The following SNCAIP variants were observed in gnomAD, a reference collection of about 807,000 sequenced individuals.
SNCAIP encodes the protein synphilin-1.
SNCAIP carries 43 observed loss-of-function variants against 86.7 expected under a neutral mutation model. That is an observed-to-expected ratio of 0.50 (90% CI 0.39 to 0.64). The LOEUF is 0.64. SNCAIP is among the 30% of genes least tolerant of loss of function. The pLI, the probability that SNCAIP is intolerant of heterozygous loss-of-function variation, is 0.00. For missense variants in SNCAIP, 981 were observed against 1,103.1 expected, an observed-to-expected ratio of 0.89 and a Z score of 1.57; for synonymous variants, 417 against 427.2, an observed-to-expected ratio of 0.98 and a Z score of 0.29.
chr5:122,417,054 T>A (rs1178822601), intron 3 of SNCAIP, among the ~76,000 whole-genome samples: 2 of 152,232 alleles, frequency 1.3e-5, no homozygotes, highest in Non-Finnish European at 2.9e-5. Context: ...TCTTGATGTC[T>A]CAAGCTAATT....
intron 1 of SNCAIP, among the ~76,000 whole-genome samples, chr5:122,379,661 A>G (rs1378775131): frequency 6.6e-6 from 1 of 151,972 alleles, no homozygotes; most frequent in Non-Finnish European, 1.5e-5. Flanking sequence ...ATTCAGTATG[A>G]TATTGGCTGT....
chr5:122,382,558 C>G (rs1767086018), intron 1 of SNCAIP, among the ~76,000 whole-genome samples: 1 of 152,216 alleles, frequency 6.6e-6, no homozygotes, highest in African/African-American at 2.4e-5. Context: ...AAGTCATTCT[C>G]CATCCAGCTT....
rs1783532066 is a variant in SNCAIP, at chr5:122,450,669, A to T, written c.1822A>T (p.Arg608Ter). 1 of 1,614,200 alleles carries T rather than the reference A, an allele frequency of 6.2e-7. No individual in the cohort carries two copies. Among genetic ancestry groups the T allele is most frequent in the African/African-American group, 1.3e-5 (1 of 75,056 alleles). The part of the protein sequence containing the change: ...LGSLSASSRA[R>*]PKAKDEDSDK... ...AAGCCTGTCAGCCTCCAGCCGGGCT[A>T]GACCCAAAGCAAAAGATGAAGATTC... Residue 608 changes from arginine (R) to a stop codon, truncating the protein, a stop_gained, in exon 10 of 11, where the codon AGA becomes TGA. Transcript: ENST00000261368. LOFTEE classifies it high-confidence loss of function.
intron 1 of SNCAIP, among the ~76,000 whole-genome samples, chr5:122,368,334 A>G (rs888077695): frequency 1.3e-5 from 2 of 152,062 alleles, no homozygotes; most frequent in Non-Finnish European, 2.9e-5. Context: ...TTCCACACAC[A>G]AGAAAAGGTG....
intron 1 of SNCAIP, among the ~76,000 whole-genome samples, chr5:122,344,264 A>T (rs551199548): frequency 6.6e-6 from 1 of 152,348 alleles, no homozygotes; most frequent in Non-Finnish European, 1.5e-5. Flanking sequence ...TAAATGAGTC[A>T]ATTATTTAGA....
At chr5:122,333,664 G>C (rs371204654) in intron 1 of SNCAIP, among the ~76,000 whole-genome samples, 6 of 152,296 alleles carry the variant, frequency 3.9e-5, no homozygotes, top group Admixed American at 2.0e-4. Flanking sequence ...TATTCTGATT[G>C]TTCTACCATT....
intron 7 of SNCAIP, 51 bp downstream of exon 7, chr5:122,440,805 A>G (rs1780717364): frequency 1.3e-6 from 2 of 1,536,922 alleles, no homozygotes. Context: ...TCAAATATTA[A>G]ACAAAACATT....
chr5:122,314,438 C>T (rs984367453), intron 1 of SNCAIP, among the ~76,000 whole-genome samples: 1 of 152,208 alleles, frequency 6.6e-6, no homozygotes, highest in African/African-American at 2.4e-5. Context: ...CAGTAACACT[C>T]TTAGAATAGA....
At position 122,432,299 on chromosome 5, in the gene SNCAIP, G is replaced by A. The variant is rs149169792; in HGVS notation, c.1296+217G>A. On this transcript the variant is annotated intron_variant, in intron 6 of 10. Coordinates refer to ENST00000261368, the MANE Select transcript of SNCAIP (RefSeq NM_005460.4). Reference sequence around the variant, plus strand: ...TGACAGATATTGGATAAATAATGAAGCTGCAGCCATTGATGACATTTTATG... The same window carrying A: ...TGACAGATATTGGATAAATAATGAAACTGCAGCCATTGATGACATTTTATG... 1.2e-3 allele frequency among the ~76,000 whole-genome samples: 183 copies of A among 152,060 alleles called. 1 individual carries two copies. The highest frequency in any genetic ancestry group is 4.2e-3 in the African/African-American group (175 of 41,506).
intron 1 of SNCAIP, among the ~76,000 whole-genome samples, chr5:122,366,515 G>A (rs1376567287): frequency 6.6e-6 from 1 of 152,192 alleles, no homozygotes; most frequent in African/African-American, 2.4e-5. Flanking sequence ...GAGTAAATAG[G>A]CAAATGTTCA....
At chr5:122,350,556 CTTATAAA>C (rs1580586901) in intron 1 of SNCAIP, among the ~76,000 whole-genome samples, 1 of 150,904 alleles carries the variant, frequency 6.6e-6, no homozygotes, top group African/African-American at 2.4e-5. Flanking sequence ...CTGGGGAAGT[CTTATAAA>C]TTGTTTTCCT....
chr5:122,419,675 G>A (rs1285233610), intron 3 of SNCAIP, among the ~76,000 whole-genome samples: 1 of 151,944 alleles, frequency 6.6e-6, no homozygotes, highest in Admixed American at 6.6e-5. Context: ...AAATTTGGGG[G>A]GATTTAAATT....
At chr5:122,448,593 TTTA>T (rs1453248783) in intron 8 of SNCAIP, among the ~76,000 whole-genome samples, 5 of 112,798 alleles carry the variant, frequency 4.4e-5, no homozygotes, top group African/African-American at 1.4e-4. Context: ...TATATATATT[TTTA>T]TATATATTAT....
Position 122,451,352 on chromosome 5 carries a change from A to G in SNCAIP, c.2505A>G (p.Glu835=), listed in dbSNP as rs1489853090. ...AGCCTAGCCTTGAACTGAATGGAGAAAAAGACAAAGATAAGGGCAGGACTC... is the reference window on the plus strand; with the variant it reads ...AGCCTAGCCTTGAACTGAATGGAGAGAAAGACAAAGATAAGGGCAGGACTC... ...MEQPSLELNG[E]KDKDKGRTLQ... Residue 835 remains glutamate (E), a synonymous_variant, in exon 10 of 11, where the codon GAA becomes GAG. Transcript: ENST00000261368. 6.2e-7 allele frequency: 1 copy of G among 1,614,190 alleles called. No individual in the cohort carries two copies. Among genetic ancestry groups the G allele is most frequent in the African/African-American group, 1.3e-5 (1 of 75,048 alleles).
chr5:122,341,741 C>T (rs571310942), intron 1 of SNCAIP, among the ~76,000 whole-genome samples: 3 of 152,216 alleles, frequency 2.0e-5, no homozygotes, highest in Non-Finnish European at 2.9e-5. Context: ...TAGGAAACGC[C>T]GTTGTTTTGA....
chr5:122,334,948 A>T (rs1419627698), intron 1 of SNCAIP, among the ~76,000 whole-genome samples: 3 of 152,214 alleles, frequency 2.0e-5, no homozygotes, highest in Admixed American at 2.0e-4. Context: ...AGGAAATGTT[A>T]CTGCATTGCC....
rs141941641 is a variant in SNCAIP at position 122,443,778 on chromosome 5, G to T, written c.1423-785G>T. ...GTCCCTGCTTCTTTGGCTGGCTGTG[G>T]TCACTGATGCCCTCTGTGCCAACCT... On this transcript the variant is annotated intron_variant, in intron 7 of 10. Transcript: ENST00000261368. 9.3e-5 allele frequency: 39 copies of T among 420,590 alleles called. No homozygotes were observed. In the East Asian group the frequency reaches 2.7e-3, roughly 29 times the overall value. The allele number at this position is 420,590 out of a possible 1,614,324, so 26.1% of individuals were successfully genotyped here.
At chr5:122,437,149 G>C (rs1581245547) in intron 6 of SNCAIP, 1 of 152,230 alleles carries the variant, frequency 6.6e-6, no homozygotes, top group African/African-American at 2.4e-5. Context: ...CACTGACTGA[G>C]AGAACACACA....
At chr5:122,387,388 G>C (rs533770344) in intron 1 of SNCAIP, among the ~76,000 whole-genome samples, 1 of 152,152 alleles carries the variant, frequency 6.6e-6, no homozygotes, top group Non-Finnish European at 1.5e-5. Flanking sequence ...TCCTGACCTC[G>C]TGATCCGTCC....
Sources: gnomAD v4.1 joint callset for allele counts (sites outside exome capture counted in the v4.1 genomes callset) on GRCh38, gnomAD v4.1.1 for gene constraint, MANE v1.5 for transcripts, NCBI Gene and HGNC (gene_info 2026-07-23, HGNC 2026-07-21) for gene names.